Variants in LY86 observed in about 807,000 individuals in gnomAD.
LY86 encodes MD-1, RP105-associated.
Under a neutral mutation model 17.3 loss-of-function variants are expected in LY86, and 20 were observed. The observed-to-expected ratio is 1.15, with a 90% CI of 0.81 to 1.68. The LOEUF is 1.68. LY86 is among the 40% of genes most tolerant of loss of function. LY86 has a pLI of 0.00. For synonymous variants in LY86, 74 were observed against 70.6 expected (o/e 1.05, Z -0.24); for missense variants, 200 against 191.9 (o/e 1.04, Z -0.25).
At chr6:6,590,767 C>T (rs1181730835) in intron 1 of LY86, among the ~76,000 whole-genome samples, 1 of 152,156 alleles carries the variant, frequency 6.6e-6, no homozygotes, top group Non-Finnish European at 1.5e-5. Context: ...ATTGGCCTCA[C>T]TCTAAGCTGG....
intron 1 of LY86, chr6:6,591,093 G>A (rs1760511809): frequency 6.5e-6 from 1 of 153,778 alleles, no homozygotes; most frequent in Admixed American, 6.5e-5. Context: ...ACTGGTCAGG[G>A]TTGGTTTTTC....
intron 1 of LY86, chr6:6,591,435 A>C (rs541645748): frequency 6.5e-6 from 1 of 153,980 alleles, no homozygotes; most frequent in Admixed American, 6.5e-5. Flanking sequence ...GGCATTGTGC[A>C]CCAGGGACAT....
chr6:6,603,603 C>CAAAAAAAAAAAAAAAAAAA (rs1207511602), intron 1 of LY86, among the ~76,000 whole-genome samples: 34 of 70,460 alleles, frequency 4.8e-4, no homozygotes, highest in Non-Finnish European at 7.1e-4. Context: ...AAAACAGAAA[C>CAAAAAAAAAAAAAAAAAAA]AGAAAAAAAA....
intron 1 of LY86, among the ~76,000 whole-genome samples, chr6:6,600,865 A>G (rs1448145504): frequency 2.0e-5 from 3 of 152,076 alleles, no homozygotes; most frequent in Non-Finnish European, 2.9e-5. Context: ...TCCAGAGAGT[A>G]AATTCTAGAC....
At chr6:6,614,564 A>C (rs1761501705) in intron 1 of LY86, among the ~76,000 whole-genome samples, 1 of 151,736 alleles carries the variant, frequency 6.6e-6, no homozygotes, top group Non-Finnish European at 1.5e-5. Context: ...CTGTTCTTCC[A>C]CGTTCTTCTC....
At chr6:6,650,492 G>A (rs916366517) in intron 4 of LY86, among the ~76,000 whole-genome samples, 3 of 151,950 alleles carry the variant, frequency 2.0e-5, no homozygotes, top group Non-Finnish European at 2.9e-5. Flanking sequence ...ATGCCACCAC[G>A]CCCAGCTAAT....
intron 1 of LY86, among the ~76,000 whole-genome samples, chr6:6,599,561 C>T (rs1443781221): frequency 3.9e-5 from 6 of 152,192 alleles, no homozygotes; most frequent in Non-Finnish European, 8.8e-5. Context: ...GTCTGCCTTG[C>T]GGCTACTGGT....
intron 1 of LY86, among the ~76,000 whole-genome samples, chr6:6,622,959 G>A (rs1761712829): frequency 6.6e-6 from 1 of 152,218 alleles, no homozygotes; most frequent in African/African-American, 2.4e-5. Flanking sequence ...TTTGAATCTT[G>A]ACTCTGACAC....
chr6:6,622,255 T>C (rs1231474904), intron 1 of LY86, among the ~76,000 whole-genome samples: 1 of 152,220 alleles, frequency 6.6e-6, no homozygotes, highest in Non-Finnish European at 1.5e-5. Context: ...CTTAGTTGAT[T>C]CTTTCTATCT....
chr6:6,640,293 C>T (rs1286567585), intron 3 of LY86, among the ~76,000 whole-genome samples: 2 of 151,476 alleles, frequency 1.3e-5, no homozygotes, highest in Non-Finnish European at 2.9e-5. Flanking sequence ...TGCAGTGTCT[C>T]ACACCTGTAA....
chr6:6,597,131 C>T (rs149691921), intron 1 of LY86, among the ~76,000 whole-genome samples: 4 of 152,154 alleles, frequency 2.6e-5, no homozygotes, highest in African/African-American at 7.2e-5. Context: ...AAAGCAGCAG[C>T]GATTGTGAGG....
At chr6:6,615,057 T>C (rs1408793371) in intron 1 of LY86, among the ~76,000 whole-genome samples, 2 of 152,208 alleles carry the variant, frequency 1.3e-5, no homozygotes, top group African/African-American at 2.4e-5. Flanking sequence ...GGGGTTAAAC[T>C]TTGAGCCGAG....
chr6:6,628,038 T>A (rs1350632400), intron 3 of LY86, among the ~76,000 whole-genome samples: 1 of 150,742 alleles, frequency 6.6e-6, no homozygotes, highest in Non-Finnish European at 1.5e-5. Context: ...AATTGGGACT[T>A]TTTTTTTTTT....
At position 6,603,921 on chromosome 6, in the gene LY86, C is replaced by CA. The variant is rs557600324; in HGVS notation, c.136+15059dup. On this transcript the variant is annotated intron_variant, in intron 1 of 4. Transcript: ENST00000230568. ...AAACACTATTAGGCAAAACAGAAAA[C>CA]AAAAAAAACTTATCTAACTCTGCCT... Among the ~76,000 whole-genome samples, 660 of 151,732 alleles carry CA rather than the reference C, an allele frequency of 4.3e-3. 8 individuals are homozygous for CA. Among genetic ancestry groups the CA allele is most frequent in the African/African-American group, 0.014 (575 of 41,404 alleles).
At chr6:6,633,321 G>C (rs555951977) in intron 3 of LY86, among the ~76,000 whole-genome samples, 1 of 152,322 alleles carries the variant, frequency 6.6e-6, no homozygotes, top group South Asian at 2.1e-4. Context: ...GATTTGGGTA[G>C]AGACTCAGAT....
At chr6:6,604,640 G>C (rs1020780712) in intron 1 of LY86, among the ~76,000 whole-genome samples, 1 of 152,112 alleles carries the variant, frequency 6.6e-6, no homozygotes, top group Admixed American at 6.5e-5. Context: ...TTCCAGAACT[G>C]CAAAAGACAT....
chr6:6,600,473 C>T (rs1760865190), intron 1 of LY86, among the ~76,000 whole-genome samples: 1 of 151,406 alleles, frequency 6.6e-6, no homozygotes, highest in African/African-American at 2.4e-5. Flanking sequence ...CGCCTGTAAT[C>T]ACAGCTACTC....
intron 1 of LY86, among the ~76,000 whole-genome samples, chr6:6,603,844 GTAATAAATT>G (rs1258652399): frequency 6.6e-6 from 1 of 151,658 alleles, no homozygotes; most frequent in East Asian, 1.9e-4. Flanking sequence ...AAAAATAATA[GTAATAAATT>G]AAGAAATAAT....
intron 1 of LY86, among the ~76,000 whole-genome samples, chr6:6,599,215 G>C (rs1561775957): frequency 6.6e-6 from 1 of 152,162 alleles, no homozygotes; most frequent in Non-Finnish European, 1.5e-5. Flanking sequence ...TCCCATCTTT[G>C]TTATCACCTA....
Sources: gnomAD v4.1 joint callset for allele counts (sites outside exome capture counted in the v4.1 genomes callset) on GRCh38, gnomAD v4.1.1 for gene constraint, MANE v1.5 for transcripts, NCBI Gene and HGNC (gene_info 2026-07-23, HGNC 2026-07-21) for gene names.